The following PLEKHA6 variants were observed in gnomAD, a reference collection of about 807,000 sequenced individuals.
PLEKHA6 encodes the protein pleckstrin homology domain containing A6.
PLEKHA6 carries 60 observed loss-of-function variants against 116.7 expected under a neutral mutation model. The observed-to-expected ratio is 0.51, with a 90% CI of 0.42 to 0.64. PLEKHA6 has a LOEUF of 0.64. Among genes scored for constraint, PLEKHA6 ranks in the 30% least tolerant of loss-of-function variants. The pLI, the probability that PLEKHA6 is intolerant of heterozygous loss-of-function variation, is 0.00. For synonymous variants in PLEKHA6, 489 were observed against 556.1 expected, an observed-to-expected ratio of 0.88 and a Z score of 1.70; for missense variants, 1,338 against 1,422.7, an observed-to-expected ratio of 0.94 and a Z score of 0.96.
chr1:204,349,912 T>C (rs1673219485), intron 1 of PLEKHA6, among the ~76,000 whole-genome samples: 1 of 152,130 alleles, frequency 6.6e-6, no homozygotes, highest in Non-Finnish European at 1.5e-5. Flanking sequence ...AAAATAAATA[T>C]GTATAGGCCA....
At chr1:204,301,383 C>T in intron 1 of PLEKHA6, 4 of 981,242 alleles carry the variant, frequency 4.1e-6, no homozygotes, top group Non-Finnish European at 4.8e-6. Context: ...AAGAACAGCT[C>T]ATCAGCCTAC....
intron 4 of PLEKHA6, 67 bp from the exon 5 acceptor site, chr1:204,267,614 G>A (rs1666976652): frequency 1.5e-6 from 2 of 1,354,058 alleles, no homozygotes; most frequent in African/African-American, 2.9e-5. Flanking sequence ...ATGGGATGCA[G>A]GGAAAAGGGC....
intron 1 of PLEKHA6, among the ~76,000 whole-genome samples, chr1:204,321,666 C>T (rs576504836): frequency 3.7e-4 from 57 of 152,082 alleles, no homozygotes; most frequent in Non-Finnish European, 7.4e-4. Context: ...GTTTGCAAAC[C>T]ACTCTGTGCA....
intron 17 of PLEKHA6, among the ~76,000 whole-genome samples, chr1:204,231,864 T>C (rs967622856): frequency 6.6e-6 from 1 of 152,146 alleles, no homozygotes; most frequent in African/African-American, 2.4e-5. Flanking sequence ...CCATGCCTGG[T>C]CTGTATTGCT....
rs895990389 is a variant in PLEKHA6, at chr1:204,219,735, G to A, written c.*3053C>T. ...CTGCCCAAATCCTTGCAAGGCCAGA[G>A]ACCCTTTCCCCACTTTGATGGTTGA... is the stretch of plus-strand genomic sequence containing the variant. On this transcript the variant is annotated 3_prime_UTR_variant, in exon 23 of 23. Transcript: ENST00000272203. 1.1e-4 allele frequency: 17 copies of A among 152,268 alleles called. No individual in the cohort carries two copies. Among genetic ancestry groups the A allele is most frequent in the African/African-American group, 4.1e-4 (17 of 41,452 alleles). 9.4% of individuals were successfully genotyped at this position (152,268 alleles called of 1,614,324 possible).
Position 204,225,387 on chromosome 1 carries a change from A to G in PLEKHA6, c.3032-1802T>C, listed in dbSNP as rs552240445. Reference sequence around the variant, plus strand: ...ATCCATCAAAATAGTTAAGATTTGCATATGCTGCAGATGTGAATCATACAG... The same window carrying G: ...ATCCATCAAAATAGTTAAGATTTGCGTATGCTGCAGATGTGAATCATACAG... On this transcript the variant is annotated intron_variant, in intron 21 of 22. Transcript: ENST00000272203. Among the ~76,000 whole-genome samples the G allele has an allele frequency of 2.6e-5, 4 of 152,372 alleles. No individual in the cohort carries two copies. In the East Asian group the frequency reaches 5.8e-4, roughly 22 times the overall value.
chr1:204,269,633 T>C (rs1667244860), intron 3 of PLEKHA6, among the ~76,000 whole-genome samples: 1 of 151,858 alleles, frequency 6.6e-6, no homozygotes, highest in African/African-American at 2.4e-5. Flanking sequence ...TTTGAGGCTA[T>C]TAGACATGCA....
chr1:204,274,808 G>A lies in PLEKHA6; in HGVS notation c.-93C>T, dbSNP rs927961425. 2 of 985,768 alleles carry A rather than the reference G, an allele frequency of 2.0e-6. No homozygotes were observed. Among genetic ancestry groups the A allele is most frequent in the Non-Finnish European group, 2.4e-6 (2 of 829,870 alleles). 61.1% of individuals were successfully genotyped at this position (985,768 alleles called of 1,614,324 possible). On this transcript the variant is annotated splice_region_variant and 5_prime_UTR_variant, in exon 2 of 23. Transcript: ENST00000272203. ...AGAAATGTGTTCCGTCTTTCATTGT[G>A]GCTGTAGAGGGAAAAACAGAAGAGT...
At chr1:204,348,914 C>G (rs978469448) in intron 1 of PLEKHA6, among the ~76,000 whole-genome samples, 1 of 152,224 alleles carries the variant, frequency 6.6e-6, no homozygotes, top group African/African-American at 2.4e-5. Context: ...GGCCTGGGCC[C>G]CTGACACCAA....
At chr1:204,230,655 C>G in intron 17 of PLEKHA6, 69 bp from the exon 18 acceptor site, 1 of 1,345,410 alleles carries the variant, frequency 7.4e-7, no homozygotes, top group Non-Finnish European at 1.0e-6. Flanking sequence ...ATCCTGAACC[C>G]TTAACATTTA....
intron 1 of PLEKHA6, among the ~76,000 whole-genome samples, chr1:204,310,756 G>A (rs1184867998): frequency 6.6e-6 from 1 of 152,036 alleles, no homozygotes; most frequent in African/African-American, 2.4e-5. Flanking sequence ...AGGAACAGAG[G>A]GCAAAGACTC....
intron 1 of PLEKHA6, among the ~76,000 whole-genome samples, chr1:204,349,742 C>T (rs1290459512): frequency 2.0e-5 from 3 of 151,992 alleles, no homozygotes; most frequent in Non-Finnish European, 2.9e-5. Flanking sequence ...ATCAGAGTGG[C>T]GAGGATGCCC....
chr1:204,257,626 C>A lies in PLEKHA6; in HGVS notation c.1251G>T (p.Arg417=). 1 of 1,609,144 alleles carries A rather than the reference C, an allele frequency of 6.2e-7. No homozygotes were observed. The highest frequency in any genetic ancestry group is 8.5e-7 in the Non-Finnish European group (1 of 1,178,140). ...REWKEPASYG[R]QDATVWIPSP... ...TTGGGATCCAGACGGTGGCATCCTGCCGCCCGTAGCTGGCGGGCTCCTTCC... is the reference window on the plus strand; with the variant it reads ...TTGGGATCCAGACGGTGGCATCCTGACGCCCGTAGCTGGCGGGCTCCTTCC... Residue 417 remains arginine (R), a synonymous_variant, in exon 9 of 23, where the codon CGG becomes CGT. Transcript: ENST00000272203. This position sits in a 1 kb window ranked among gnomAD's most constrained non-coding sequence, Gnocchi z 6.5.
chr1:204,352,004 G>A (rs1208778272), intron 1 of PLEKHA6, among the ~76,000 whole-genome samples: 1 of 152,066 alleles, frequency 6.6e-6, no homozygotes, highest in Non-Finnish European at 1.5e-5. Context: ...AACCTGGCAG[G>A]CGGAGGTTGC....
At chr1:204,262,641 A>G (rs1156315901) in intron 6 of PLEKHA6, among the ~76,000 whole-genome samples, 3 of 151,986 alleles carry the variant, frequency 2.0e-5, no homozygotes, top group Non-Finnish European at 2.9e-5. Context: ...TCAAGCCCAC[A>G]CCCTCTAAAT....
Position 204,259,196 on chromosome 1 carries a change from C to T in PLEKHA6, c.1007+62G>A. On this transcript the variant is annotated intron_variant, in intron 8 of 22. Transcript: ENST00000272203. The surrounding 1 kb of genome is among the most constrained non-coding windows in gnomAD (Gnocchi z 4.6). ...AGGGGATGCCTCGTGGGCTATGACC[C>T]CACTCGCACGCTCTAGCCATAATAC... 1 of 1,550,808 alleles carries T rather than the reference C, an allele frequency of 6.4e-7. No homozygotes were observed. The highest frequency in any genetic ancestry group is 8.7e-7 in the Non-Finnish European group (1 of 1,146,456).
chr1:204,228,249 A>G lies in PLEKHA6; in HGVS notation c.2886-21T>C. On this transcript the variant is annotated intron_variant, in intron 20 of 22. Coordinates refer to ENST00000272203, the MANE Select transcript of PLEKHA6 (RefSeq NM_014935.5). This position sits in a 1 kb window ranked among gnomAD's most constrained non-coding sequence, Gnocchi z 4.0. ...GCATACTGAAGAGGCACAGACACAC[A>G]GAAATGGAGGGAGGGACAGGATGGT... 6.4e-7 allele frequency: 1 copy of G among 1,572,728 alleles called. No individual in the cohort carries two copies. Among genetic ancestry groups the G allele is most frequent in the South Asian group, 1.2e-5 (1 of 85,664 alleles).
intron 1 of PLEKHA6, chr1:204,297,261 G>T: frequency 1.1e-6 from 1 of 928,654 alleles, no homozygotes; most frequent in Non-Finnish European, 1.3e-6. Context: ...TGGATACATG[G>T]AGTGTCTAAA....
intron 17 of PLEKHA6, among the ~76,000 whole-genome samples, chr1:204,233,613 T>C (rs1235631646): frequency 2.6e-5 from 4 of 152,160 alleles, no homozygotes; most frequent in Non-Finnish European, 5.9e-5. Flanking sequence ...CCCATCTGGC[T>C]AATTTTTAAT....
Sources: allele counts gnomAD v4.1 joint callset (sites outside exome capture counted in the v4.1 genomes callset), GRCh38; gene constraint gnomAD v4.1.1; non-coding constraint Gnocchi (gnomAD v3.1); transcripts MANE v1.5; gene names NCBI Gene and HGNC (gene_info 2026-07-23, HGNC 2026-07-21).